ZNF254: variants seen among roughly 807,000 people sequenced by gnomAD.
ZNF254 encodes the protein CTD-2017D11.1.
A neutral mutation model predicts 12.4 loss-of-function variants in ZNF254; 10 were observed. The observed-to-expected ratio is 0.80, with a 90% CI of 0.50 to 1.36. The LOEUF is 1.36. Ranked by LOEUF, ZNF254 falls within the 40% of genes most tolerant of loss-of-function variation. The pLI is 0.00. For synonymous variants in ZNF254, 305 were observed against 253.4 expected (o/e 1.20, Z -1.93); for missense variants, 996 against 763.9 (o/e 1.30, Z -3.58).
chr19:24,114,268 C>G (rs1463044583), intron 3 of ZNF254, among the ~76,000 whole-genome samples: 1 of 151,372 alleles, frequency 6.6e-6, no homozygotes, highest in African/African-American at 2.4e-5. Context: ...TGCTACCTGA[C>G]TTCAAACTAT....
In ZNF254 at chr19:24,066,677, C is replaced by T. The variant is rs1971280393; in HGVS notation, c.-94+20398C>T. On this transcript the variant is annotated intron_variant, in intron 2 of 4. Transcript: ENST00000613065. ...CCTGGTCAACATGGTGAAAACCTGT[C>T]TCTACTAAAACAAAACAAAACAAAA... 2.1e-5 allele frequency: 3 copies of T among 144,562 alleles called. No homozygotes were observed. In the South Asian group the frequency reaches 6.8e-4, roughly 33 times the overall value. The allele number at this position is 144,562 out of a possible 1,614,324, so 9.0% of individuals were successfully genotyped here.
rs1456148290 is a variant in ZNF254 at position 24,049,219 on chromosome 19, T to A, written c.-94+2940T>A. The stretch of plus-strand genomic sequence containing the variant: ...ATATATATATATATATATATATTTT[T>A]TTTTTTTTTTTAATTTATTTATTAT... On this transcript the variant is annotated intron_variant, in intron 2 of 4. Coordinates refer to the ZNF254 transcript ENST00000613065. Among the ~76,000 whole-genome samples, 770 of 135,952 alleles carry A rather than the reference T, an allele frequency of 5.7e-3. 2 individuals are homozygous for A. Among genetic ancestry groups the A allele is most frequent in the Non-Finnish European group, 9.2e-3 (581 of 63,134 alleles). The allele number at this position is 135,952 out of a possible 152,430, so 89.2% of individuals were successfully genotyped here.
chr19:24,087,230 CTGCTCTG>C lies in ZNF254; in HGVS notation c.-75_-69del. The C allele has an allele frequency of 6.3e-7, 1 of 1,599,766 alleles. No individual in the cohort carries two copies. The highest frequency in any genetic ancestry group is 8.6e-7 in the Non-Finnish European group (1 of 1,168,430). ...CGCCGGAGTCCCAGGTCTGTCTTCA[CTGCTCTG>C]TGTCCTCTGCTCCTAGAGGCCCAGC... On this transcript the variant is annotated 5_prime_UTR_variant, in exon 1 of 4. Coordinates refer to ENST00000357002, the MANE Select transcript of ZNF254 (RefSeq NM_203282.4).
intron 2 of ZNF254, among the ~76,000 whole-genome samples, chr19:24,075,385 C>T (rs1015044684): frequency 6.6e-6 from 1 of 152,106 alleles, no homozygotes; most frequent in African/African-American, 2.4e-5. Flanking sequence ...AAGTGTTGGC[C>T]AGTCTGAGAA....
intron 2 of ZNF254, among the ~76,000 whole-genome samples, chr19:24,063,307 TTG>T (rs1258171519): frequency 2.0e-5 from 3 of 152,184 alleles, no homozygotes; most frequent in African/African-American, 7.2e-5. Flanking sequence ...TCTGAGTTAT[TTG>T]TCTTTTCCTG....
rs753570302 is a variant in ZNF254, at chr19:24,087,302, G to C, written c.-6G>C. ...TACCAGCAGGTATTGGAGATCCACA[G>C]CTAAGATGCCAGGACCCCCTAGAAG... On this transcript the variant is annotated 5_prime_UTR_variant, in exon 1 of 4. Transcript: ENST00000357002. 5 of 1,613,638 alleles carry C rather than the reference G, an allele frequency of 3.1e-6. No homozygotes were observed. In the Admixed American group the frequency reaches 8.3e-5, roughly 27 times the overall value.
At chr19:24,055,782 C>G (rs1373693068) in intron 2 of ZNF254, among the ~76,000 whole-genome samples, 7 of 152,170 alleles carry the variant, frequency 4.6e-5, no homozygotes, top group Non-Finnish European at 8.8e-5. Context: ...TGTGACTTCA[C>G]TAATTAGACA....
rs975730788 is a variant in ZNF254, at chr19:24,044,546, A to C, written c.-189-1638A>C. Among the ~76,000 whole-genome samples the C allele has an allele frequency of 6.9e-5, 10 of 144,990 alleles. 1 individual carries two copies. Among genetic ancestry groups the C allele is most frequent in the Admixed American group, 6.2e-4 (9 of 14,610 alleles). On this transcript the variant is annotated intron_variant, in intron 1 of 4. Coordinates refer to the ZNF254 transcript ENST00000613065. Reference sequence around the variant, plus strand: ...GAGCGAGACTCAGTCTCAAAAAAAAAAATAAATAAATAAATACAAAAATAG... The same window carrying C: ...GAGCGAGACTCAGTCTCAAAAAAAACAATAAATAAATAAATACAAAAATAG...
At chr19:24,069,051 G>C (rs1971384699) in intron 2 of ZNF254, among the ~76,000 whole-genome samples, 1 of 151,974 alleles carries the variant, frequency 6.6e-6, no homozygotes, top group Admixed American at 6.5e-5. Context: ...TTGTCACCCA[G>C]GCTAAAGTGC....
At chr19:24,036,691 G>A (rs1359615329) in intron 1 of ZNF254, among the ~76,000 whole-genome samples, 2 of 152,118 alleles carry the variant, frequency 1.3e-5, no homozygotes, top group Non-Finnish European at 2.9e-5. Context: ...CTCTGGGAAG[G>A]GGAACTCTGT....
intron 2 of ZNF254, among the ~76,000 whole-genome samples, chr19:24,047,188 T>G (rs1970423253): frequency 6.6e-6 from 1 of 151,954 alleles, no homozygotes; most frequent in Non-Finnish European, 1.5e-5. Context: ...ATTTTCCTAT[T>G]TTTTTCTCCC....
At chr19:24,124,250 C>A (rs1019074389) in intron 3 of ZNF254, among the ~76,000 whole-genome samples, 1 of 151,756 alleles carries the variant, frequency 6.6e-6, no homozygotes, top group Non-Finnish European at 1.5e-5. Flanking sequence ...TCTTATTATA[C>A]CTTCCCTCAA....
chr19:24,047,171 CTTTCCTAT>C lies in ZNF254; in HGVS notation c.-94+904_-94+911del, dbSNP rs1359470500. Among the ~76,000 whole-genome samples the C allele has an allele frequency of 2.0e-5, 3 of 151,808 alleles. No homozygotes were observed. In the East Asian group the frequency reaches 5.8e-4, roughly 30 times the overall value. On this transcript the variant is annotated intron_variant, in intron 2 of 4. Transcript: ENST00000613065. Reference sequence around the variant, plus strand: ...GGTGTGAGCCACTGTGCCTGGCCTCCTTTCCTATTTTCCTATTTTTTTCTCCCTTTTTG... The same window carrying C: ...GGTGTGAGCCACTGTGCCTGGCCTCCTTTCCTATTTTTTTCTCCCTTTTTG...
intron 3 of ZNF254, among the ~76,000 whole-genome samples, chr19:24,113,898 G>T (rs1973866835): frequency 6.6e-6 from 1 of 152,088 alleles, no homozygotes; most frequent in African/African-American, 2.4e-5. Flanking sequence ...ATAACAGAGA[G>T]CCAAATCATG....
intron 2 of ZNF254, among the ~76,000 whole-genome samples, chr19:24,048,767 C>T (rs1292199301): frequency 6.6e-6 from 1 of 151,848 alleles, no homozygotes; most frequent in African/African-American, 2.4e-5. Context: ...AGATTTCTTT[C>T]ACCTAGGCTT....
At chr19:24,074,940 C>T (rs1365779732) in intron 2 of ZNF254, among the ~76,000 whole-genome samples, 1 of 152,200 alleles carries the variant, frequency 6.6e-6, no homozygotes, top group African/African-American at 2.4e-5. Context: ...GGGCCCAGAA[C>T]CTAAATGATG....
chr19:24,046,812 T>C (rs995534005), intron 2 of ZNF254, among the ~76,000 whole-genome samples: 3 of 152,024 alleles, frequency 2.0e-5, no homozygotes, highest in Non-Finnish European at 4.4e-5. Flanking sequence ...TGCTGATTTC[T>C]TCTCTGCCTC....
At chr19:24,057,595 G>A (rs1970908718) in intron 2 of ZNF254, among the ~76,000 whole-genome samples, 1 of 152,228 alleles carries the variant, frequency 6.6e-6, no homozygotes, top group African/African-American at 2.4e-5. Flanking sequence ...CCAGCCGACA[G>A]TAAAGATTGT....
At chr19:24,055,942 C>T (rs866038333) in intron 2 of ZNF254, among the ~76,000 whole-genome samples, 5 of 152,168 alleles carry the variant, frequency 3.3e-5, no homozygotes, top group Non-Finnish European at 7.4e-5. Context: ...CATCTCTGCA[C>T]CTTCCCACAG....
Sources: gnomAD v4.1 joint callset for allele counts (sites outside exome capture counted in the v4.1 genomes callset) on GRCh38, gnomAD v4.1.1 for gene constraint, MANE v1.5 for transcripts, NCBI Gene and HGNC (gene_info 2026-07-23, HGNC 2026-07-21) for gene names.